RAI1: variants seen among roughly 807,000 people sequenced by gnomAD.
RAI1 encodes retinoic acid-induced protein 1.
A neutral mutation model predicts 123.8 loss-of-function variants in RAI1; 9 were observed. That is an observed-to-expected ratio of 0.07 (90% CI 0.04 to 0.13). RAI1 has a LOEUF of 0.13. Among genes scored for constraint, RAI1 ranks in the 10% least tolerant of loss-of-function variants. The pLI is 1.00. For synonymous variants in RAI1, 1,231 were observed against 1,127.3 expected (o/e 1.09, Z -1.84); for missense variants, 2,256 against 2,545.8 (o/e 0.89, Z 2.45).
chr17:17,749,056 C>T (rs2030043354), intron 2 of RAI1, among the ~76,000 whole-genome samples: 1 of 152,212 alleles, frequency 6.6e-6, no homozygotes, highest in African/African-American at 2.4e-5. Flanking sequence ...CCCTGGGGGC[C>T]TCCTGGATCT....
chr17:17,754,811 C>A (rs1196051729), intron 2 of RAI1, among the ~76,000 whole-genome samples: 1 of 152,240 alleles, frequency 6.6e-6, no homozygotes. Context: ...AGGCCCGTCT[C>A]TGCACAGAGG....
intron 2 of RAI1, among the ~76,000 whole-genome samples, chr17:17,748,800 G>A (rs74553521): frequency 0.041 from 6,302 of 152,242 alleles, 439 homozygotes; most frequent in African/African-American, 0.14. Flanking sequence ...GCTGGCGGCA[G>A]GGACCTCAGG....
chr17:17,798,826 C>T (rs761689607), intron 3 of RAI1, among the ~76,000 whole-genome samples: 27 of 152,212 alleles, frequency 1.8e-4, no homozygotes, highest in Non-Finnish European at 2.5e-4. Flanking sequence ...CACTGGGCCC[C>T]TCCCCATGCT....
At chr17:17,757,794 A>C (rs1262263616) in intron 2 of RAI1, among the ~76,000 whole-genome samples, 1 of 152,208 alleles carries the variant, frequency 6.6e-6, no homozygotes, top group Non-Finnish European at 1.5e-5. Context: ...AGAAGCAGTA[A>C]TCCATCAAAA....
At chr17:17,698,568 G>A (rs1453525033) in intron 1 of RAI1, among the ~76,000 whole-genome samples, 1 of 152,226 alleles carries the variant, frequency 6.6e-6, no homozygotes, top group African/African-American at 2.4e-5. Context: ...AGATACCTTT[G>A]CAGACCGGAG....
At chr17:17,722,441 G>T (rs1281930169) in intron 1 of RAI1, among the ~76,000 whole-genome samples, 3 of 152,186 alleles carry the variant, frequency 2.0e-5, no homozygotes, top group African/African-American at 7.2e-5. Context: ...GCTCTGGAGC[G>T]GCTGCTGGGA....
chr17:17,753,297 T>G (rs1391851259), intron 2 of RAI1, among the ~76,000 whole-genome samples: 1 of 152,236 alleles, frequency 6.6e-6, no homozygotes, highest in Non-Finnish European at 1.5e-5. Flanking sequence ...CCCCAGCATC[T>G]GACTCTTCGT....
At chr17:17,769,053 T>C (rs1312984268) in intron 2 of RAI1, among the ~76,000 whole-genome samples, 1 of 152,160 alleles carries the variant, frequency 6.6e-6, no homozygotes, top group Non-Finnish European at 1.5e-5. Context: ...CACCTGCATG[T>C]GTGGGGAAGG....
intron 2 of RAI1, among the ~76,000 whole-genome samples, chr17:17,781,826 G>GCGCCCCACTTGGCGCCAC (rs2031592288): frequency 6.6e-6 from 1 of 152,172 alleles, no homozygotes; most frequent in Non-Finnish European, 1.5e-5. Context: ...GGCGGGGGCA[G>GCGCCCCACTTGGCGCCAC]CGCCCCACTT....
At chr17:17,773,476 C>A (rs927626137) in intron 2 of RAI1, among the ~76,000 whole-genome samples, 1 of 152,154 alleles carries the variant, frequency 6.6e-6, no homozygotes, top group Non-Finnish European at 1.5e-5. Flanking sequence ...GGAACCAGAC[C>A]CATAGAGTTC....
chr17:17,777,018 T>C (rs1326708990), intron 2 of RAI1: 1 of 152,182 alleles, frequency 6.6e-6, no homozygotes, highest in Non-Finnish European at 1.5e-5. Flanking sequence ...ACTGCTCCAA[T>C]TAATCCATGT....
intron 1 of RAI1, among the ~76,000 whole-genome samples, chr17:17,716,855 A>G (rs1219527891): frequency 6.6e-6 from 1 of 152,174 alleles, no homozygotes; most frequent in Non-Finnish European, 1.5e-5. Flanking sequence ...GTTGCCACTT[A>G]ACCTCAGGGT....
intron 1 of RAI1, among the ~76,000 whole-genome samples, chr17:17,686,364 T>G (rs1914634467): frequency 6.6e-6 from 1 of 152,012 alleles, no homozygotes; most frequent in African/African-American, 2.4e-5. Flanking sequence ...CCCAGGCTGC[T>G]TCCTGAGGGG....
chr17:17,774,654 C>G (rs1025311313), intron 2 of RAI1, among the ~76,000 whole-genome samples: 1 of 152,254 alleles, frequency 6.6e-6, no homozygotes, highest in South Asian at 2.1e-4. Context: ...TCTTCCCGGC[C>G]GCACCTCCAC....
Position 17,809,893 on chromosome 17 carries a change from G to GGCCCACACTGGGGGCGGGGC in RAI1, c.5710-76_5710-57dup. On this transcript the variant is annotated intron_variant, in intron 5 of 5. Transcript: ENST00000353383. The surrounding 1 kb of genome is among the most constrained non-coding windows in gnomAD (Gnocchi z 4.9). Reference sequence around the variant, plus strand: ...GCCTGGGTCTGGGGCTTAGGCGGGGGGCCCACACTGGGGGCGGGGCCTATG... The same window carrying GGCCCACACTGGGGGCGGGGC: ...GCCTGGGTCTGGGGCTTAGGCGGGGGGCCCACACTGGGGGCGGGGCGCCCACACTGGGGGCGGGGCCTATG... 2 of 1,546,318 alleles carry GGCCCACACTGGGGGCGGGGC rather than the reference G, an allele frequency of 1.3e-6. No individual in the cohort carries two copies. Among genetic ancestry groups the GGCCCACACTGGGGGCGGGGC allele is most frequent in the Non-Finnish European group, 1.7e-6 (2 of 1,145,048 alleles).
chr17:17,742,616 G>A (rs541529787), intron 2 of RAI1, among the ~76,000 whole-genome samples: 63 of 152,242 alleles, frequency 4.1e-4, no homozygotes, highest in African/African-American at 1.4e-3. Flanking sequence ...ATATGCACTC[G>A]TTTTAAAAGA....
chr17:17,750,260 A>G lies in RAI1; in HGVS notation c.-17+26101A>G, dbSNP rs1423873986. ...TGCTGTATTGGTCTCTCTAATCAGC[A>G]GAGCCAACCGTTACCGAGTCCTTGT... On this transcript the variant is annotated intron_variant, in intron 2 of 5. Coordinates refer to ENST00000353383, the MANE Select transcript of RAI1 (RefSeq NM_030665.4). Among the ~76,000 whole-genome samples the G allele has an allele frequency of 2.6e-5, 4 of 152,390 alleles. No individual in the cohort carries two copies. In the East Asian group the frequency reaches 7.7e-4, roughly 29 times the overall value.
At chr17:17,718,570 G>A (rs1394593801) in intron 1 of RAI1, among the ~76,000 whole-genome samples, 1 of 152,154 alleles carries the variant, frequency 6.6e-6, no homozygotes, top group Non-Finnish European at 1.5e-5. Flanking sequence ...GTCCCACAGT[G>A]CCCTGAACAA....
rs2032655737 is a variant in RAI1, at chr17:17,809,188, GC to G, written c.5660-200del. The G allele has an allele frequency of 1.5e-6, 1 of 672,090 alleles. No homozygotes were observed. Among genetic ancestry groups the G allele is most frequent in the African/African-American group, 1.8e-5 (1 of 56,026 alleles). 41.6% of individuals were successfully genotyped at this position (672,090 alleles called of 1,614,324 possible). On this transcript the variant is annotated intron_variant, in intron 4 of 5. Transcript: ENST00000353383. This position sits in a 1 kb window ranked among gnomAD's most constrained non-coding sequence, Gnocchi z 4.9. ...GGAGGAGGTGAGGTGAGTCAAGACT[GC>G]CAGGCCAGGGGCCGCACCCGCGCCG...
Sources: gnomAD v4.1 joint callset for allele counts (sites outside exome capture counted in the v4.1 genomes callset) on GRCh38, gnomAD v4.1.1 for gene constraint, Gnocchi (gnomAD v3.1) non-coding constraint, MANE v1.5 for transcripts, NCBI Gene and HGNC (gene_info 2026-07-23, HGNC 2026-07-21) for gene names.